Variants in ABLIM1 observed in about 807,000 individuals in gnomAD.
ABLIM1 encodes the protein actin-binding LIM protein 1.
In ABLIM1, 40 loss-of-function variants were observed where a neutral mutation model predicts 107.0. The observed-to-expected ratio is 0.37, with a 90% CI of 0.29 to 0.49. ABLIM1 has a LOEUF of 0.49. ABLIM1 is among the 20% of genes least tolerant of loss of function. ABLIM1 has a pLI of 0.97. For synonymous variants in ABLIM1, 357 were observed against 357.3 expected (o/e 1.00, Z 0.01); for missense variants, 857 against 1,008.5 (o/e 0.85, Z 2.04).
chr10:114,615,219 A>G lies in ABLIM1; in HGVS notation c.245-13258T>C, dbSNP rs139770355. Among the ~76,000 whole-genome samples the G allele has an allele frequency of 3.7e-3, 557 of 152,264 alleles. 3 individuals carry two copies. The highest frequency in any genetic ancestry group is 0.013 in the African/African-American group (530 of 41,558). On this transcript the variant is annotated intron_variant, in intron 1 of 22. Coordinates refer to ENST00000533213, the MANE Select transcript of ABLIM1 (RefSeq NM_002313.7). ...CCACTAATCCTTCTTTCACTGCCCT[A>G]TGGAAGATGCGCTCTGGCCCCACCA...
At chr10:114,597,901 C>A (rs2075588682) in intron 2 of ABLIM1, among the ~76,000 whole-genome samples, 1 of 152,198 alleles carries the variant, frequency 6.6e-6, no homozygotes, top group Admixed American at 6.5e-5. Flanking sequence ...CAGGAATGCA[C>A]ACCTCGAGGA....
chr10:114,589,219 T>TG (rs2074555491), intron 2 of ABLIM1, among the ~76,000 whole-genome samples: 1 of 144,960 alleles, frequency 6.9e-6, no homozygotes, highest in African/African-American at 2.7e-5. Flanking sequence ...GTGTGTGTGT[T>TG]TTTTTTTTTT....
chr10:114,657,897 C>G, intron 1 of ABLIM1, 60 bp downstream of exon 1: 1 of 1,385,886 alleles, frequency 7.2e-7, no homozygotes, highest in Admixed American at 1.8e-5. Context: ...GGATAGTACT[C>G]TCTTAATTAC....
At chr10:114,655,631 C>T (rs992055224) in intron 1 of ABLIM1, among the ~76,000 whole-genome samples, 2 of 152,218 alleles carry the variant, frequency 1.3e-5, no homozygotes, top group African/African-American at 4.8e-5. Flanking sequence ...CTAGGTATCC[C>T]CTAGTATGTG....
At chr10:114,797,949 C>T in the ABLIM1 span, among the ~76,000 whole-genome samples, 1 of 152,072 alleles carries the variant, frequency 6.6e-6, no homozygotes, top group Non-Finnish European at 1.5e-5. Flanking sequence ...AAATTTCTCA[C>T]AAAGTTGAAC....
At chr10:114,488,491 A>G (rs2058493337) in intron 7 of ABLIM1, among the ~76,000 whole-genome samples, 1 of 152,264 alleles carries the variant, frequency 6.6e-6, no homozygotes, top group African/African-American at 2.4e-5. Context: ...TGAATTTTTC[A>G]TTGATTCAAT....
At chr10:114,441,673 G>T in intron 18 of ABLIM1, 49 bp downstream of exon 18, 1 of 1,541,270 alleles carries the variant, frequency 6.5e-7, no homozygotes, top group Non-Finnish European at 9.0e-7. Context: ...TTCAACCAGG[G>T]CCGAGGTGGG....
chr10:114,610,150 G>A (rs934155939), intron 1 of ABLIM1, among the ~76,000 whole-genome samples: 1 of 152,238 alleles, frequency 6.6e-6, no homozygotes, highest in Non-Finnish European at 1.5e-5. Context: ...ATACGCAGAT[G>A]AGGAACAATG....
chr10:114,773,076 A>T, the ABLIM1 span, among the ~76,000 whole-genome samples: 1 of 152,112 alleles, frequency 6.6e-6, no homozygotes, highest in South Asian at 2.1e-4. Context: ...AGGTTAAGAT[A>T]TATTGACAAT....
the ABLIM1 span, among the ~76,000 whole-genome samples, chr10:114,780,220 C>T: frequency 2.0e-5 from 3 of 152,104 alleles, no homozygotes; most frequent in African/African-American, 7.2e-5. Flanking sequence ...TGAGAGCATA[C>T]AGTGGGATTC....
chr10:114,510,424 G>A (rs1565707039), intron 6 of ABLIM1, among the ~76,000 whole-genome samples: 1 of 151,860 alleles, frequency 6.6e-6, no homozygotes, highest in East Asian at 1.9e-4. Flanking sequence ...TTTATATAAT[G>A]CAATGAATTA....
chr10:114,669,794 G>A (rs1042731546), intron 1 of ABLIM1, among the ~76,000 whole-genome samples: 3 of 152,104 alleles, frequency 2.0e-5, no homozygotes, highest in African/African-American at 2.4e-5. Context: ...CTGGAGCTCC[G>A]TGTGTGTGTT....
intron 1 of ABLIM1, among the ~76,000 whole-genome samples, chr10:114,606,801 G>A (rs190408072): frequency 7.2e-5 from 11 of 152,318 alleles, no homozygotes; most frequent in Admixed American, 4.6e-4. Context: ...AGGCTCAGAG[G>A]AATGAAGTGA....
At chr10:114,607,812 G>A (rs79895185) in intron 1 of ABLIM1, among the ~76,000 whole-genome samples, 2,104 of 152,278 alleles carry the variant, frequency 0.014, 46 homozygotes, top group African/African-American at 0.046. Context: ...AGGAGCCTAC[G>A]GAGATGTGAT....
chr10:114,764,588 C>T (rs7921683), intron 1 of ABLIM1, among the ~76,000 whole-genome samples: 1,590 of 151,794 alleles, frequency 0.01, 18 homozygotes, highest in African/African-American at 0.035. Flanking sequence ...GTGATCCATC[C>T]GCCTCAGCCT....
chr10:114,578,625 T>C lies in ABLIM1; in HGVS notation c.380-3026A>G, dbSNP rs1257842221. ...TTCACCATGTTGGTGAGGCTGGTGT[T>C]GAACTCGTAACCTCAGGTGATCTGC... On this transcript the variant is annotated intron_variant, in intron 2 of 22. Coordinates refer to ENST00000533213, the MANE Select transcript of ABLIM1 (RefSeq NM_002313.7). Among the ~76,000 whole-genome samples the C allele has an allele frequency of 2.6e-5, 4 of 151,960 alleles. No homozygotes were observed. In the East Asian group the frequency reaches 7.8e-4, roughly 30 times the overall value.
intron 22 of ABLIM1, 27 bp downstream of exon 22, chr10:114,437,817 G>T (rs1381753325): frequency 4.4e-6 from 7 of 1,596,020 alleles, no homozygotes; most frequent in Non-Finnish European, 6.0e-6. Context: ...TCTGCAGTTG[G>T]GACTGGATTT....
At chr10:114,439,126 T>A in intron 21 of ABLIM1, 50 bp downstream of exon 21, 2 of 1,596,760 alleles carry the variant, frequency 1.3e-6, no homozygotes, top group Non-Finnish European at 1.7e-6. Flanking sequence ...TCAAATCTGT[T>A]TAGGGTTACG....
At chr10:114,776,246 T>C in the ABLIM1 span, 3 of 152,122 alleles carry the variant, frequency 2.0e-5, no homozygotes, top group African/African-American at 7.2e-5. Context: ...TTTTTCATAA[T>C]TTCTGTTAAA....
Sources: allele counts gnomAD v4.1 joint callset (sites outside exome capture counted in the v4.1 genomes callset), GRCh38; gene constraint gnomAD v4.1.1; transcripts MANE v1.5; gene names NCBI Gene and HGNC (gene_info 2026-07-23, HGNC 2026-07-21).